Variants in IL1RL1 observed in about 807,000 individuals in gnomAD.
The protein encoded by IL1RL1 is interleukin 1 receptor like 1, also known as interleukin-1 receptor-like 1.
In IL1RL1, 32 loss-of-function variants were observed where a neutral mutation model predicts 50.9. That is an observed-to-expected ratio of 0.63 (90% CI 0.47 to 0.84). The LOEUF (loss-of-function observed/expected upper bound fraction) is 0.84. Ranked by LOEUF, IL1RL1 falls within the 40% of genes least tolerant of loss-of-function variation. The probability of loss-of-function intolerance (pLI) is 0.00; values close to 1 mark genes in which losing one functional copy is unlikely to be tolerated. For missense variants in IL1RL1, 773 were observed against 662.9 expected, an observed-to-expected ratio of 1.17 and a Z score of -1.82; for synonymous variants, 275 against 236.0, an observed-to-expected ratio of 1.17 and a Z score of -1.51.
Position 102,351,585 on chromosome 2 carries a change from T to A in IL1RL1, c.1335T>A (p.Ile445=). The change falls in exon 11 of 11, where the codon ATT becomes ATA. Residue 445 remains isoleucine (I), a synonymous_variant. Coordinates refer to ENST00000233954, the MANE Select transcript of IL1RL1 (RefSeq NM_016232.5). ...ACATACGAAAGAGCAGGCGGCACAT[T>A]TTCATCCTGACCCCTCAGATCACTC... The part of the protein sequence containing the change: ...ETNIRKSRRH[I]FILTPQITHN... 1 of 1,614,052 alleles carries A rather than the reference T, an allele frequency of 6.2e-7. No homozygotes were observed. The highest frequency in any genetic ancestry group is 8.5e-7 in the Non-Finnish European group (1 of 1,179,968).
intron 1 of IL1RL1, among the ~76,000 whole-genome samples, chr2:102,321,186 C>T (rs938273370): frequency 2.5e-4 from 38 of 152,222 alleles, no homozygotes; most frequent in African/African-American, 8.4e-4. Flanking sequence ...CCTGAAATTG[C>T]TCTCCTCCTG....
intron 1 of IL1RL1, among the ~76,000 whole-genome samples, chr2:102,328,572 G>C (rs1231873114): frequency 6.6e-6 from 1 of 152,164 alleles, no homozygotes; most frequent in African/African-American, 2.4e-5. Flanking sequence ...AATTGTCCCT[G>C]TTTGCAGATG....
chr2:102,333,830 A>T (rs923351403), intron 1 of IL1RL1, among the ~76,000 whole-genome samples: 5 of 152,130 alleles, frequency 3.3e-5, no homozygotes, highest in African/African-American at 1.2e-4. Context: ...GAGTAAGAAC[A>T]TGTGGTATTT....
At chr2:102,319,153 T>G (rs1398484061) in intron 1 of IL1RL1, among the ~76,000 whole-genome samples, 2 of 152,186 alleles carry the variant, frequency 1.3e-5, no homozygotes, top group Non-Finnish European at 2.9e-5. Context: ...TATTGCAATG[T>G]GTTTGGCTGT....
chr2:102,347,335 A>G (rs538849079), intron 8 of IL1RL1, among the ~76,000 whole-genome samples: 1 of 152,214 alleles, frequency 6.6e-6, no homozygotes, highest in Admixed American at 6.5e-5. Context: ...CATCAGATTA[A>G]TCTCTTGGGA....
intron 1 of IL1RL1, chr2:102,337,186 T>A (rs1002518734): frequency 6.6e-6 from 1 of 152,294 alleles, no homozygotes. Flanking sequence ...AGTCATAGAT[T>A]TGGCCACAAA....
intron 8 of IL1RL1, chr2:102,343,821 C>G (rs3821204): frequency 0.27 from 279,702 of 1,027,474 alleles, 39,601 homozygotes; most frequent in East Asian, 0.38. Context: ...CGTTCTATAC[C>G]TTTTTCTGGT....
Position 102,320,502 on chromosome 2 carries a change from C to T in IL1RL1, c.-150+8879C>T, listed in dbSNP as rs532477817. 5.3e-5 allele frequency among the ~76,000 whole-genome samples: 8 copies of T among 152,230 alleles called. No individual in the cohort carries two copies. In the East Asian group the frequency reaches 5.8e-4, roughly 11 times the overall value. ...AATTTGTATCTCTAGCCCAATATGT[C>T]TCCTGAATTTCAGAAGCAGATATTC... is the stretch of plus-strand genomic sequence containing the variant. On this transcript the variant is annotated intron_variant, in intron 1 of 10. Transcript: ENST00000233954.
intron 1 of IL1RL1, among the ~76,000 whole-genome samples, chr2:102,321,261 T>C (rs898378378): frequency 6.6e-6 from 1 of 152,244 alleles, no homozygotes; most frequent in Non-Finnish European, 1.5e-5. Flanking sequence ...TATTTCTTTA[T>C]GTTACTTATT....
intron 1 of IL1RL1, among the ~76,000 whole-genome samples, chr2:102,329,872 C>A (rs1677124340): frequency 6.6e-6 from 1 of 152,178 alleles, no homozygotes; most frequent in Admixed American, 6.5e-5. Context: ...GAAATAGGAA[C>A]ACTTTTACAC....
At chr2:102,326,785 AT>A (rs1677014895) in intron 1 of IL1RL1, among the ~76,000 whole-genome samples, 1 of 152,222 alleles carries the variant, frequency 6.6e-6, no homozygotes, top group Non-Finnish European at 1.5e-5. Flanking sequence ...AAAGGGATCA[AT>A]TCAACAAGAA....
At chr2:102,328,987 A>G (rs1182680024) in intron 1 of IL1RL1, among the ~76,000 whole-genome samples, 2 of 152,190 alleles carry the variant, frequency 1.3e-5, no homozygotes, top group African/African-American at 4.8e-5. Flanking sequence ...GGAAAAAACT[A>G]CTTTAAAGTT....
intron 5 of IL1RL1, among the ~76,000 whole-genome samples, chr2:102,341,035 A>G (rs894516003): frequency 2.6e-5 from 4 of 152,206 alleles, no homozygotes; most frequent in Admixed American, 6.5e-5. Context: ...GGGAAATTAC[A>G]TTACTAATTC....
At chr2:102,344,936 G>A in intron 8 of IL1RL1, 2 of 965,688 alleles carry the variant, frequency 2.1e-6, no homozygotes, top group Non-Finnish European at 2.5e-6. Flanking sequence ...ACAATAAAAG[G>A]ACAACATGAA....
intron 1 of IL1RL1, among the ~76,000 whole-genome samples, chr2:102,329,817 A>C (rs1677122856): frequency 6.6e-6 from 1 of 152,228 alleles, no homozygotes; most frequent in African/African-American, 2.4e-5. Context: ...TAGAATGGTG[A>C]TTATTAAAAA....
rs267598808 is a variant in IL1RL1 at position 102,351,890 on chromosome 2, G to C, written c.1640G>C (p.Ser547Thr). The change falls in exon 11 of 11, where the codon AGT becomes ACT. Residue 547 changes from serine (S) to threonine (T), a missense_variant. By Grantham distance (58) the Ser-to-Thr change is moderately conservative (BLOSUM62 1). Coordinates refer to ENST00000233954, the MANE Select transcript of IL1RL1 (RefSeq NM_016232.5). The stretch of plus-strand genomic sequence containing the variant: ...AGCAAAATTCCCAGAAAGGCCTCTA[G>C]TTTGACTCCCTTGGCTGCCCAGAAG... Reference protein sequence around the residue: ...VPSKIPRKASSLTPLAAQKQ With the variant: ...VPSKIPRKASTLTPLAAQKQ 32 of 1,613,110 alleles carry C rather than the reference G, an allele frequency of 2.0e-5. 1 individual carries two copies. The highest frequency in any genetic ancestry group is 3.4e-4 in the Middle Eastern group (2 of 5,920).
chr2:102,323,065 T>C (rs1676879907), intron 1 of IL1RL1, among the ~76,000 whole-genome samples: 1 of 151,966 alleles, frequency 6.6e-6, no homozygotes, highest in African/African-American at 2.4e-5. Context: ...TAGTTTACAT[T>C]AAAAAAAGGA....
At chr2:102,331,831 G>A (rs1230920278) in intron 1 of IL1RL1, among the ~76,000 whole-genome samples, 1 of 152,168 alleles carries the variant, frequency 6.6e-6, no homozygotes, top group Non-Finnish European at 1.5e-5. Context: ...ACTTTGGGAG[G>A]TCAAGGTTGG....
chr2:102,318,358 G>T (rs1676740437), intron 1 of IL1RL1, among the ~76,000 whole-genome samples: 1 of 148,104 alleles, frequency 6.8e-6, no homozygotes, highest in Non-Finnish European at 1.5e-5. Context: ...GAGAAAGAGA[G>T]GTATAAGGAT....
Sources: gnomAD v4.1 joint callset for allele counts (sites outside exome capture counted in the v4.1 genomes callset) on GRCh38, gnomAD v4.1.1 for gene constraint, MANE v1.5 for transcripts, NCBI Gene and HGNC (gene_info 2026-07-23, HGNC 2026-07-21) for gene names.